Variants in FHOD3 observed in about 807,000 individuals in gnomAD.
The protein encoded by FHOD3 is FH1/FH2 domain-containing protein 3.
FHOD3 carries 90 observed loss-of-function variants against 173.0 expected under a neutral mutation model. The observed-to-expected ratio is 0.52, with a 90% CI of 0.44 to 0.62. The LOEUF (loss-of-function observed/expected upper bound fraction) is 0.62. Among genes scored for constraint, FHOD3 ranks in the 20% least tolerant of loss-of-function variants. The probability of loss-of-function intolerance (pLI) is 0.00; values close to 1 mark genes in which losing one functional copy is unlikely to be tolerated. For missense variants in FHOD3, 1,945 were observed against 2,034.7 expected, an observed-to-expected ratio of 0.96 and a Z score of 0.85; for synonymous variants, 828 against 823.0, an observed-to-expected ratio of 1.01 and a Z score of -0.10.
intron 9 of FHOD3, among the ~76,000 whole-genome samples, chr18:36,620,460 T>G (rs1177099045): frequency 6.6e-6 from 1 of 152,188 alleles, no homozygotes; most frequent in Non-Finnish European, 1.5e-5. Context: ...TCATAGCTGA[T>G]GAGAGGGTGC....
chr18:36,437,704 G>A (rs558327290), intron 3 of FHOD3, among the ~76,000 whole-genome samples: 25 of 124,592 alleles, frequency 2.0e-4, no homozygotes, highest in Non-Finnish European at 3.0e-4. Flanking sequence ...TTGCTCTGTC[G>A]CCAGGCTGGA....
At chr18:36,476,955 C>T (rs537514516) in intron 3 of FHOD3, among the ~76,000 whole-genome samples, 16 of 152,198 alleles carry the variant, frequency 1.1e-4, no homozygotes, top group Non-Finnish European at 1.9e-4. Context: ...GAAGTAAGAC[C>T]TGCACACAGT....
chr18:36,619,760 G>A (rs1056416837), intron 9 of FHOD3, among the ~76,000 whole-genome samples: 1 of 152,222 alleles, frequency 6.6e-6, no homozygotes. Context: ...AAGAACGTGC[G>A]TAAGCAGAGG....
At chr18:36,603,504 A>AT (rs1568482489) in intron 8 of FHOD3, among the ~76,000 whole-genome samples, 11 of 150,114 alleles carry the variant, frequency 7.3e-5, no homozygotes, top group Non-Finnish European at 8.9e-5. Context: ...TAATAATAAT[A>AT]TATTATTATT....
intron 3 of FHOD3, among the ~76,000 whole-genome samples, chr18:36,449,286 ATT>A (rs1452397633): frequency 1.3e-5 from 2 of 150,342 alleles, no homozygotes; most frequent in Non-Finnish European, 2.9e-5. Flanking sequence ...TGTTTTAAAT[ATT>A]TGTTATTCTT....
At chr18:36,357,958 G>A (rs1598826861) in intron 2 of FHOD3, among the ~76,000 whole-genome samples, 1 of 151,998 alleles carries the variant, frequency 6.6e-6, no homozygotes, top group African/African-American at 2.4e-5. Flanking sequence ...AATAAAGGGT[G>A]TGGGAGAAGA....
chr18:36,548,197 CA>C (rs200911591), intron 5 of FHOD3, among the ~76,000 whole-genome samples: 4 of 149,470 alleles, frequency 2.7e-5, no homozygotes, highest in African/African-American at 7.3e-5. Flanking sequence ...GTCTCAAAAA[CA>C]AAAAAAAAAT....
At chr18:36,460,906 AGGTCTCCCT>A (rs1253439906) in intron 3 of FHOD3, among the ~76,000 whole-genome samples, 2 of 152,146 alleles carry the variant, frequency 1.3e-5, no homozygotes, top group African/African-American at 2.4e-5. Context: ...GCTGAAAGTG[AGGTCTCCCT>A]GGAACCCAAG....
chr18:36,548,241 T>A (rs1291845233), intron 5 of FHOD3, among the ~76,000 whole-genome samples: 1 of 152,106 alleles, frequency 6.6e-6, no homozygotes, highest in African/African-American at 2.4e-5. Flanking sequence ...AAAAATCAGT[T>A]GATAATCAAC....
At chr18:36,416,045 T>C (rs1329965418) in intron 3 of FHOD3, among the ~76,000 whole-genome samples, 4 of 152,182 alleles carry the variant, frequency 2.6e-5, no homozygotes, top group Non-Finnish European at 5.9e-5. Flanking sequence ...TTTTTATTTA[T>C]TTTTTTGAGA....
intron 14 of FHOD3, among the ~76,000 whole-genome samples, chr18:36,659,471 G>A (rs532544263): frequency 6.5e-4 from 99 of 152,338 alleles, no homozygotes; most frequent in Non-Finnish European, 1.2e-3. Context: ...TCACCATACA[G>A]ATGACCCTTG....
rs2043956599 is a variant in FHOD3 at position 36,779,821 on chromosome 18, C to G, written c.*291C>G. 2.0e-6 allele frequency: 1 copy of G among 489,090 alleles called. No homozygotes were observed. Among genetic ancestry groups the G allele is most frequent in the Admixed American group, 3.6e-5 (1 of 27,586 alleles). 30.3% of individuals were successfully genotyped at this position (489,090 alleles called of 1,614,324 possible). On this transcript the variant is annotated 3_prime_UTR_variant, in exon 29 of 29. Transcript: ENST00000590592. ...ACACCTTTTCTGGGCAAGGAACAGC[C>G]CCTTTAAGGAGCAAATCACTTCTGT... is the stretch of plus-strand genomic sequence containing the variant.
chr18:36,354,986 T>C (rs1303471464), intron 1 of FHOD3, among the ~76,000 whole-genome samples: 2 of 152,128 alleles, frequency 1.3e-5, no homozygotes, highest in African/African-American at 4.8e-5. Context: ...TAATTTCCTG[T>C]GTGCTATGTT....
chr18:36,703,940 T>G (rs2039727619), intron 17 of FHOD3, among the ~76,000 whole-genome samples: 1 of 152,186 alleles, frequency 6.6e-6, no homozygotes, highest in Non-Finnish European at 1.5e-5. Context: ...CAAACCCCAC[T>G]CACTCCAGTA....
At chr18:36,732,400 G>T (rs948815950) in intron 20 of FHOD3, among the ~76,000 whole-genome samples, 1 of 152,162 alleles carries the variant, frequency 6.6e-6, no homozygotes, top group Non-Finnish European at 1.5e-5. Flanking sequence ...TACACCCCCT[G>T]TTCCAGGAAC....
intron 5 of FHOD3, among the ~76,000 whole-genome samples, chr18:36,569,094 G>A (rs1674337599): frequency 6.6e-6 from 1 of 152,080 alleles, no homozygotes; most frequent in Admixed American, 6.6e-5. Context: ...AGATGGGCTC[G>A]GTAGCAGATT....
chr18:36,653,380 C>T lies in FHOD3; in HGVS notation c.1685C>T (p.Ser562Phe). Reference sequence around the variant, plus strand: ...TTCTCTTTGAGCACATATTCTGCCTCTGAGCCTTACCACTTCCGATCTTTC... The same window carrying T: ...TTCTCTTTGAGCACATATTCTGCCTTTGAGCCTTACCACTTCCGATCTTTC... ...DSFSLSTYSA[S>F]EPYHFRSFSS... Residue 562 changes from serine to phenylalanine, a missense_variant, in exon 13 of 29, where the codon TCT becomes TTT. Transcript: ENST00000590592. 1 of 1,535,244 alleles carries T rather than the reference C, an allele frequency of 6.5e-7. No individual in the cohort carries two copies. The highest frequency in any genetic ancestry group is 8.7e-7 in the Non-Finnish European group (1 of 1,146,598).
At chr18:36,692,526 G>A (rs1016469018) in intron 16 of FHOD3, among the ~76,000 whole-genome samples, 1 of 152,186 alleles carries the variant, frequency 6.6e-6, no homozygotes. Flanking sequence ...CAGTTAGTGG[G>A]TTCTGCCTGC....
intron 5 of FHOD3, among the ~76,000 whole-genome samples, chr18:36,513,191 A>C (rs995452931): frequency 1.3e-5 from 2 of 151,824 alleles, no homozygotes; most frequent in African/African-American, 4.8e-5. Context: ...TAAAAAAAAA[A>C]AAAACAAATA....
Sources: gnomAD v4.1 joint callset for allele counts (sites outside exome capture counted in the v4.1 genomes callset) on GRCh38, gnomAD v4.1.1 for gene constraint, MANE v1.5 for transcripts, NCBI Gene and HGNC (gene_info 2026-07-23, HGNC 2026-07-21) for gene names.